The following GMDS variants were observed in gnomAD, a reference collection of about 807,000 sequenced individuals.
The protein encoded by GMDS is GDP-mannose 4,6-dehydratase, also known as GDP-mannose 4,6 dehydratase.
GMDS carries 20 observed loss-of-function variants against 49.9 expected under a neutral mutation model. The observed-to-expected ratio is 0.40, with a 90% CI of 0.28 to 0.58. The LOEUF (loss-of-function observed/expected upper bound fraction) is 0.58, where lower values mean the gene tolerates loss of function less well. Among genes scored for constraint, GMDS ranks in the 20% least tolerant of loss-of-function variants. The probability of loss-of-function intolerance (pLI) is 0.42; values close to 1 mark genes in which losing one functional copy is unlikely to be tolerated. For missense variants in GMDS, 362 were observed against 481.4 expected (o/e 0.75, Z 2.32); for synonymous variants, 177 against 178.6 (o/e 0.99, Z 0.07).
chr6:1,789,200 T>G (rs1271310953), intron 7 of GMDS, among the ~76,000 whole-genome samples: 1 of 152,208 alleles, frequency 6.6e-6, no homozygotes, highest in Non-Finnish European at 1.5e-5. Flanking sequence ...ACCCCCTTAT[T>G]ACATCAACGT....
intron 7 of GMDS, among the ~76,000 whole-genome samples, chr6:1,768,652 G>T (rs766899489): frequency 2.6e-5 from 4 of 152,174 alleles, no homozygotes; most frequent in African/African-American, 4.8e-5. Flanking sequence ...AACGTCCAAA[G>T]GACATGCTCA....
At chr6:1,662,734 A>G (rs1431206155) in intron 9 of GMDS, among the ~76,000 whole-genome samples, 2 of 152,244 alleles carry the variant, frequency 1.3e-5, no homozygotes, top group Non-Finnish European at 2.9e-5. Context: ...GCTGAAAAAA[A>G]TCATTCCAAC....
chr6:1,810,088 G>T (rs989630838), intron 7 of GMDS, among the ~76,000 whole-genome samples: 2 of 152,198 alleles, frequency 1.3e-5, no homozygotes, highest in South Asian at 2.1e-4. Context: ...CGGGGGTGGG[G>T]TATTGAAATT....
At chr6:1,762,694 G>A (rs990143789) in intron 7 of GMDS, among the ~76,000 whole-genome samples, 2 of 152,176 alleles carry the variant, frequency 1.3e-5, no homozygotes, top group Non-Finnish European at 2.9e-5. Flanking sequence ...CCCTTCCTGG[G>A]GAGGATGAGA....
intron 4 of GMDS, among the ~76,000 whole-genome samples, chr6:2,034,726 T>C (rs1356379423): frequency 6.6e-6 from 1 of 152,206 alleles, no homozygotes; most frequent in African/African-American, 2.4e-5. Flanking sequence ...AAGCCAAAAC[T>C]ATTATCAAAA....
At chr6:2,039,550 T>A (rs1226702132) in intron 4 of GMDS, among the ~76,000 whole-genome samples, 10 of 152,180 alleles carry the variant, frequency 6.6e-5, no homozygotes, top group Non-Finnish European at 1.5e-4. Context: ...TTTCTTTATA[T>A]CCTTATTCTA....
chr6:1,821,335 G>A (rs1237017355), intron 7 of GMDS, among the ~76,000 whole-genome samples: 1 of 152,046 alleles, frequency 6.6e-6, no homozygotes, highest in Non-Finnish European at 1.5e-5. Flanking sequence ...GAGCGGAGAG[G>A]CTGAATTCAA....
Position 1,673,744 on chromosome 6 carries a change from C to T in GMDS, c.988-49204G>A, listed in dbSNP as rs960514478. Among the ~76,000 whole-genome samples, 32 of 152,146 alleles carry T rather than the reference C, an allele frequency of 2.1e-4. No homozygotes were observed. In the South Asian group the frequency reaches 4.8e-3, roughly 23 times the overall value. On this transcript the variant is annotated intron_variant, in intron 9 of 10. Coordinates refer to ENST00000380815, the MANE Select transcript of GMDS (RefSeq NM_001500.4). ...GCAAACACTGATCTTTTAACTCTCT[C>T]CATAGTTTCGCCTTTCCCAGAATGT... is the stretch of plus-strand genomic sequence containing the variant.
intron 7 of GMDS, among the ~76,000 whole-genome samples, chr6:1,921,511 A>G (rs1189234901): frequency 1.3e-5 from 2 of 152,232 alleles, no homozygotes; most frequent in African/African-American, 2.4e-5. Flanking sequence ...TTTAAATAAT[A>G]CACTGAAAAG....
At chr6:2,209,089 A>G (rs910654282) in intron 1 of GMDS, among the ~76,000 whole-genome samples, 13 of 152,206 alleles carry the variant, frequency 8.5e-5, no homozygotes, top group Non-Finnish European at 1.6e-4. Context: ...ATTGCAAAAT[A>G]AAAAAAGAAA....
At position 2,225,765 on chromosome 6, in the gene GMDS, C is replaced by T. The variant is rs568058452; in HGVS notation, c.102+19556G>A. Among the ~76,000 whole-genome samples, 304 of 152,294 alleles carry T rather than the reference C, an allele frequency of 2.0e-3. 2 individuals are homozygous for T. Among genetic ancestry groups the T allele is most frequent in the African/African-American group, 7.0e-3 (290 of 41,562 alleles). ...TAAGGAAATGTTTCCAGGTATTTGTCAGAAAAGGGCCAGCTTCCATCTGGA... is the reference window on the plus strand; with the variant it reads ...TAAGGAAATGTTTCCAGGTATTTGTTAGAAAAGGGCCAGCTTCCATCTGGA... On this transcript the variant is annotated intron_variant, in intron 1 of 10. Transcript: ENST00000380815.
intron 4 of GMDS, among the ~76,000 whole-genome samples, chr6:1,988,651 C>T (rs955633249): frequency 1.3e-5 from 2 of 152,140 alleles, no homozygotes; most frequent in Non-Finnish European, 2.9e-5. Context: ...TTATTTTGAA[C>T]TGTAGAAACA....
intron 9 of GMDS, among the ~76,000 whole-genome samples, chr6:1,722,763 TTCTC>T (rs1766430012): frequency 6.6e-6 from 1 of 152,232 alleles, no homozygotes; most frequent in Non-Finnish European, 1.5e-5. Context: ...AATTACCACT[TTCTC>T]TCTAAGAATG....
At chr6:2,071,304 T>C (rs1413671707) in intron 4 of GMDS, among the ~76,000 whole-genome samples, 1 of 152,172 alleles carries the variant, frequency 6.6e-6, no homozygotes, top group Non-Finnish European at 1.5e-5. Context: ...TCTACATACC[T>C]TTTCTACTTC....
intron 4 of GMDS, among the ~76,000 whole-genome samples, chr6:2,047,039 C>G (rs1308374695): frequency 3.9e-5 from 6 of 152,106 alleles, no homozygotes; most frequent in African/African-American, 1.4e-4. Context: ...ACACACAAAG[C>G]AATTACTAGA....
At chr6:1,633,800 C>A (rs1460858893) in intron 9 of GMDS, among the ~76,000 whole-genome samples, 3 of 152,098 alleles carry the variant, frequency 2.0e-5, no homozygotes, top group African/African-American at 7.2e-5. Context: ...GTTGGCCTCC[C>A]GGGTGGTTTC....
intron 4 of GMDS, among the ~76,000 whole-genome samples, chr6:2,048,095 C>T (rs1770137528): frequency 1.3e-5 from 2 of 152,192 alleles, no homozygotes; most frequent in South Asian, 4.1e-4. Context: ...CACATTCTCA[C>T]GTGCTAACAG....
Position 1,889,458 on chromosome 6 carries a change from C to G in GMDS, c.771+40645G>C, listed in dbSNP as rs147496881. ...CATTCCAACAACTTCACTGCTCTCC[C>G]TCCCTCCACATTCTCCCTGGACAGT... On this transcript the variant is annotated intron_variant, in intron 7 of 10. Transcript: ENST00000380815. Among the ~76,000 whole-genome samples the G allele has an allele frequency of 8.1e-3, 1,232 of 152,290 alleles. 10 individuals are homozygous for G. The highest frequency in any genetic ancestry group is 0.028 in the African/African-American group (1,175 of 41,550).
In GMDS at chr6:1,624,029, G is replaced by T; in HGVS notation, c.*140C>A. The T allele has an allele frequency of 2.9e-6, 2 of 700,452 alleles. No individual in the cohort carries two copies. Among genetic ancestry groups the T allele is most frequent in the East Asian group, 2.8e-5 (1 of 36,078 alleles). The allele number at this position is 700,452 out of a possible 1,614,324, so 43.4% of individuals were successfully genotyped here. The stretch of plus-strand genomic sequence containing the variant: ...ACCTCGGCGGGGCGGCCCCGCTCTT[G>T]CGGCCGGGACAGCGCAGCGGCAGCA... On this transcript the variant is annotated 3_prime_UTR_variant, in exon 11 of 11. Transcript: ENST00000380815.
Sources: allele counts gnomAD v4.1 joint callset (sites outside exome capture counted in the v4.1 genomes callset), GRCh38; gene constraint gnomAD v4.1.1; transcripts MANE v1.5; gene names NCBI Gene and HGNC (gene_info 2026-07-23, HGNC 2026-07-21).